Variants in CCDC171 observed in about 807,000 individuals in gnomAD.
CCDC171 encodes coiled-coil domain containing 171, also known as coiled-coil domain-containing protein 171.
Under a neutral mutation model 168.2 loss-of-function variants are expected in CCDC171, and 177 were observed. The observed-to-expected ratio is 1.05, with a 90% CI of 0.93 to 1.19. The LOEUF (loss-of-function observed/expected upper bound fraction) is 1.19. Among genes scored for constraint, CCDC171 ranks in the 50% most tolerant of loss-of-function variants. The pLI is 0.00. For synonymous variants in CCDC171, 687 were observed against 540.8 expected (o/e 1.27, Z -3.75); for missense variants, 1,991 against 1,539.0 (o/e 1.29, Z -4.91).
chr9:15,778,841 A>T, intron 19 of CCDC171, 127 bp from the exon 20 acceptor site: 3 of 604,708 alleles, frequency 5.0e-6, no homozygotes. Context: ...TTTCACCTCT[A>T]CATTTCTGTA....
At chr9:15,908,131 T>G (rs563261759) in intron 24 of CCDC171, among the ~76,000 whole-genome samples, 47 of 151,680 alleles carry the variant, frequency 3.1e-4, no homozygotes, top group African/African-American at 1.1e-3. Context: ...GAAATACCAT[T>G]TGACCCAGCC....
At chr9:15,711,408 G>T (rs146377575) in intron 11 of CCDC171, among the ~76,000 whole-genome samples, 117 of 152,088 alleles carry the variant, frequency 7.7e-4, no homozygotes, top group African/African-American at 2.7e-3. Context: ...TTCATATCCT[G>T]TTTAACACTA....
At chr9:15,594,854 A>G (rs1169598650) in intron 6 of CCDC171, among the ~76,000 whole-genome samples, 2 of 152,146 alleles carry the variant, frequency 1.3e-5, no homozygotes, top group Non-Finnish European at 2.9e-5. Flanking sequence ...GTTTTAAAGG[A>G]AATTTGTGAA....
intron 18 of CCDC171, among the ~76,000 whole-genome samples, chr9:15,759,448 G>A (rs62571268): frequency 1.3e-5 from 2 of 151,806 alleles, no homozygotes; most frequent in Admixed American, 6.6e-5. Context: ...ATACATTACT[G>A]TCATTCAGAT....
chr9:15,808,795 G>C (rs2059191054), intron 21 of CCDC171, among the ~76,000 whole-genome samples: 1 of 152,140 alleles, frequency 6.6e-6, no homozygotes, highest in South Asian at 2.1e-4. Flanking sequence ...ATAGGATGTT[G>C]CCTTAGTCTA....
upstream of CCDC171, among the ~76,000 whole-genome samples, chr9:16,042,543 T>C (rs1833589404): frequency 2.6e-5 from 4 of 152,304 alleles, no homozygotes; most frequent in Admixed American, 2.6e-4. Flanking sequence ...TTATAACCCC[T>C]GAGGACAAAG....
rs189381474 is a variant in CCDC171, at chr9:16,046,575, C to T, written n.89+3689C>T. On this transcript the variant is annotated intron_variant and non_coding_transcript_variant, in intron 1 of 1. Transcript: ENST00000478913. ...CCAAATCTCATCTTGAATTGTAGCT[C>T]CCATAATTCCCATGTGTTATGGGAG... Among the ~76,000 whole-genome samples the T allele has an allele frequency of 4.3e-3, 649 of 152,256 alleles. 3 individuals carry two copies. The highest frequency in any genetic ancestry group is 0.015 in the African/African-American group (626 of 41,550).
intron 1 of CCDC171, among the ~76,000 whole-genome samples, chr9:15,562,166 C>G (rs2039355646): frequency 6.6e-6 from 1 of 151,856 alleles, no homozygotes; most frequent in Admixed American, 6.6e-5. Flanking sequence ...AGCTAATTTT[C>G]TTTATTTTTA....
chr9:15,579,470 G>A (rs963965260), intron 4 of CCDC171, among the ~76,000 whole-genome samples: 1 of 152,164 alleles, frequency 6.6e-6, no homozygotes, highest in Non-Finnish European at 1.5e-5. Flanking sequence ...AGAGTGTGGT[G>A]CCTGGAAAAG....
intron 1 of CCDC171, among the ~76,000 whole-genome samples, chr9:16,057,434 G>T (rs1833858341): frequency 6.6e-6 from 1 of 152,036 alleles, no homozygotes; most frequent in East Asian, 1.9e-4. Context: ...TTTCAAGGAA[G>T]TTTTTTTTGT....
intron 6 of CCDC171, among the ~76,000 whole-genome samples, chr9:15,613,873 T>A (rs1454657162): frequency 2.6e-5 from 4 of 152,238 alleles, no homozygotes; most frequent in Non-Finnish European, 5.9e-5. Flanking sequence ...CTTTTTATAT[T>A]GTTGATTGTG....
At chr9:15,943,485 A>G (rs952127458) in intron 25 of CCDC171, among the ~76,000 whole-genome samples, 1 of 152,106 alleles carries the variant, frequency 6.6e-6, no homozygotes, top group East Asian at 1.9e-4. Context: ...CAATGAATTA[A>G]TACTTGTATA....
At chr9:15,808,663 A>G (rs1462359937) in intron 21 of CCDC171, among the ~76,000 whole-genome samples, 3 of 152,202 alleles carry the variant, frequency 2.0e-5, no homozygotes, top group Admixed American at 6.5e-5. Flanking sequence ...AGGTTAGGAT[A>G]TCACAGGCGT....
intron 7 of CCDC171, among the ~76,000 whole-genome samples, chr9:15,654,554 A>G (rs972699844): frequency 6.6e-6 from 1 of 152,196 alleles, no homozygotes; most frequent in Non-Finnish European, 1.5e-5. Flanking sequence ...TTTTATTTCT[A>G]TTTCTTTTCA....
chr9:15,673,099 T>G (rs1294433634), intron 9 of CCDC171, among the ~76,000 whole-genome samples: 1 of 152,204 alleles, frequency 6.6e-6, no homozygotes, highest in Non-Finnish European at 1.5e-5. Flanking sequence ...TCCTAGGTAT[T>G]TGATTCTCTT....
chr9:15,600,199 G>A (rs1037103570), intron 6 of CCDC171, among the ~76,000 whole-genome samples: 5 of 152,222 alleles, frequency 3.3e-5, no homozygotes, highest in African/African-American at 9.6e-5. Flanking sequence ...TTCCTTTAGA[G>A]GGGGAGAGGC....
intron 3 of CCDC171, among the ~76,000 whole-genome samples, chr9:15,991,712 A>G (rs1832206442): frequency 1.3e-5 from 2 of 152,178 alleles, no homozygotes; most frequent in East Asian, 1.9e-4. Context: ...AGAGAGAAGA[A>G]TCAAATAGAT....
chr9:15,762,997 A>T (rs1398663799), intron 18 of CCDC171, among the ~76,000 whole-genome samples: 1 of 152,198 alleles, frequency 6.6e-6, no homozygotes, highest in Non-Finnish European at 1.5e-5. Context: ...GGCCACCCTC[A>T]CTTCAGGCTA....
chr9:16,087,056 A>C, the CCDC171 span, among the ~76,000 whole-genome samples: 2 of 152,292 alleles, frequency 1.3e-5, no homozygotes, highest in African/African-American at 4.8e-5. Flanking sequence ...GAGTTTCTTC[A>C]TCCTGAGTTC....
Sources: gnomAD v4.1 joint callset for allele counts (sites outside exome capture counted in the v4.1 genomes callset) on GRCh38, gnomAD v4.1.1 for gene constraint, MANE v1.5 for transcripts, NCBI Gene and HGNC (gene_info 2026-07-23, HGNC 2026-07-21) for gene names.